Variants in PM20D2 observed in about 807,000 individuals in gnomAD.
PM20D2 encodes peptidase M20 domain containing 2, also known as xaa-Arg dipeptidase.
A neutral mutation model predicts 42.9 loss-of-function variants in PM20D2; 33 were observed. That is an observed-to-expected ratio of 0.77 (90% CI 0.58 to 1.03). The LOEUF is 1.03. PM20D2 is among the 50% of genes least tolerant of loss of function. PM20D2 has a pLI of 0.00. For synonymous variants in PM20D2, 250 were observed against 228.2 expected (o/e 1.10, Z -0.86); for missense variants, 548 against 557.0 (o/e 0.98, Z 0.16).
the PM20D2 span, chr6:89,117,714 G>A: frequency 3.6e-6 from 4 of 1,124,396 alleles, no homozygotes; most frequent in Non-Finnish European, 4.7e-6. Context: ...CCCGCGGGGA[G>A]GCTCCGCGCA....
At chr6:89,099,396 CT>C in the PM20D2 span, among the ~76,000 whole-genome samples, 96,119 of 142,232 alleles carry the variant, frequency 0.68, 32,552 homozygotes, top group East Asian at 0.79. Flanking sequence ...CTCTCTCTCT[CT>C]CTCTCCATAT....
At chr6:89,127,294 T>C in the PM20D2 span, among the ~76,000 whole-genome samples, 1 of 151,778 alleles carries the variant, frequency 6.6e-6, no homozygotes, top group East Asian at 1.9e-4. Flanking sequence ...CATTATATGC[T>C]CTTCTGAAGG....
chr6:89,114,390 T>C, the PM20D2 span, among the ~76,000 whole-genome samples: 5 of 152,240 alleles, frequency 3.3e-5, no homozygotes, highest in Admixed American at 1.3e-4. Flanking sequence ...ATCGTGCCAC[T>C]GCACTCCAGC....
At chr6:89,099,542 T>TG in the PM20D2 span, among the ~76,000 whole-genome samples, 3 of 150,156 alleles carry the variant, frequency 2.0e-5, no homozygotes, top group Non-Finnish European at 4.4e-5. Flanking sequence ...ATACATGTTT[T>TG]TTTTTTTTTT....
At chr6:89,112,443 C>CTTTTT in the PM20D2 span, among the ~76,000 whole-genome samples, 1 of 140,476 alleles carries the variant, frequency 7.1e-6, no homozygotes. Flanking sequence ...ATTTTCTTTT[C>CTTTTT]TTTCTTTTTT....
the PM20D2 span, among the ~76,000 whole-genome samples, chr6:89,102,200 G>C: frequency 1.3e-5 from 2 of 152,114 alleles, no homozygotes; most frequent in Non-Finnish European, 2.9e-5. Context: ...CTGGAGTGCA[G>C]TGGGGCGAGC....
chr6:89,123,310 C>G, the PM20D2 span, among the ~76,000 whole-genome samples: 1 of 152,150 alleles, frequency 6.6e-6, no homozygotes, highest in African/African-American at 2.4e-5. Context: ...TTTCATCCAT[C>G]CTGTGAGATT....
chr6:89,143,528 TC>T (rs982554622), upstream of PM20D2, among the ~76,000 whole-genome samples: 18 of 152,244 alleles, frequency 1.2e-4, no homozygotes, highest in Admixed American at 8.5e-4. Flanking sequence ...TGCACTCCTC[TC>T]ACCCCCCCAA....
the PM20D2 span, among the ~76,000 whole-genome samples, chr6:89,099,412 A>ACACATATATATATATATG: frequency 2.3e-5 from 2 of 87,632 alleles, no homozygotes; most frequent in South Asian, 7.5e-4. Context: ...CCATATATAT[A>ACACATATATATATATATG]TACATATATA....
the PM20D2 span, among the ~76,000 whole-genome samples, chr6:89,110,567 T>C: frequency 6.6e-6 from 1 of 152,100 alleles, no homozygotes; most frequent in African/African-American, 2.4e-5. Flanking sequence ...CCATTTTTTA[T>C]CTGTAATACA....
chr6:89,112,369 A>T, the PM20D2 span, among the ~76,000 whole-genome samples: 10 of 152,154 alleles, frequency 6.6e-5, no homozygotes, highest in African/African-American at 2.4e-4. Context: ...AAATTTGAAA[A>T]ATATTTGAAA....
the PM20D2 span, chr6:89,097,185 A>AT: frequency 9.9e-5 from 15 of 152,226 alleles, no homozygotes; most frequent in East Asian, 2.3e-3. Flanking sequence ...TATAAGACAG[A>AT]TTTTTTTCTT....
At position 89,146,450 on chromosome 6, in the gene PM20D2, G is replaced by A; in HGVS notation, c.306G>A (p.Thr102=). ...EPPEARAPSA[T]PRPLHLGFLC... is the part of the protein sequence containing the mutation. Reference sequence around the variant, plus strand: ...CGGAGGCCCGGGCACCGAGCGCCACGCCACGCCCGCTGCACCTGGGCTTCC... The same window carrying A: ...CGGAGGCCCGGGCACCGAGCGCCACACCACGCCCGCTGCACCTGGGCTTCC... The change falls in exon 1 of 7, where the codon ACG becomes ACA. Residue 102 remains threonine, a synonymous_variant. Coordinates refer to ENST00000275072, the MANE Select transcript of PM20D2 (RefSeq NM_001010853.3). The A allele has an allele frequency of 6.6e-7, 1 of 1,523,028 alleles. No individual in the cohort carries two copies. The highest frequency in any genetic ancestry group is 8.8e-7 in the Non-Finnish European group (1 of 1,142,628). The allele number at this position is 1,523,028 out of a possible 1,614,324, so 94.3% of individuals were successfully genotyped here.
the PM20D2 span, among the ~76,000 whole-genome samples, chr6:89,131,335 A>G: frequency 6.6e-6 from 1 of 152,138 alleles, no homozygotes; most frequent in African/African-American, 2.4e-5. Context: ...TTTGGAGGGG[A>G]CAAATATTCA....
rs115921450 is a variant in PM20D2 at position 89,158,292 on chromosome 6, T to A, written c.913-33T>A. 1,963 of 1,546,652 alleles carry A rather than the reference T, an allele frequency of 1.3e-3. 19 individuals carry two copies. The African/African-American group carries it at 0.024, about 19-fold the overall frequency. On this transcript the variant is annotated intron_variant, in intron 4 of 6. Coordinates refer to ENST00000275072, the MANE Select transcript of PM20D2 (RefSeq NM_001010853.3). ...AATTAGATAGTGAATTTGAGTTTTT[T>A]ATTTCAAAATTTGTTTTGCAATTTT... is the stretch of plus-strand genomic sequence containing the variant.
chr6:89,103,889 C>G, the PM20D2 span, among the ~76,000 whole-genome samples: 3 of 151,988 alleles, frequency 2.0e-5, no homozygotes, highest in Admixed American at 6.6e-5. Flanking sequence ...TTCTTCAATA[C>G]TGCCATACTT....
chr6:89,155,258 CTTTTTTTTTTTTTTTT>C lies in PM20D2; in HGVS notation c.912+368_912+383del, dbSNP rs34776724. 1.4e-4 allele frequency among the ~76,000 whole-genome samples: 8 copies of C among 58,936 alleles called. No individual in the cohort carries two copies. In the East Asian group the frequency reaches 3.7e-3, roughly 27 times the overall value. 38.7% of individuals were successfully genotyped at this position (58,936 alleles called of 152,430 possible). ...AAGTTTATGGCAAAATCAGCAAAAG[CTTTTTTTTTTTTTTTT>C]TTTTTTTTTTTGGTGGGGGGACAGG... On this transcript the variant is annotated intron_variant, in intron 4 of 6. Coordinates refer to ENST00000275072, the MANE Select transcript of PM20D2 (RefSeq NM_001010853.3).
chr6:89,133,583 T>G, the PM20D2 span, among the ~76,000 whole-genome samples: 1 of 151,082 alleles, frequency 6.6e-6, no homozygotes, highest in Non-Finnish European at 1.5e-5. Context: ...CCCTTGCCTG[T>G]AGATATGAAT....
At chr6:89,126,581 G>T in the PM20D2 span, among the ~76,000 whole-genome samples, 1 of 150,324 alleles carries the variant, frequency 6.7e-6, no homozygotes, top group Admixed American at 6.7e-5. Flanking sequence ...CTACTCGGGT[G>T]GCAGAGAATT....
Sources: allele counts gnomAD v4.1 joint callset (sites outside exome capture counted in the v4.1 genomes callset), GRCh38; gene constraint gnomAD v4.1.1; transcripts MANE v1.5; gene names NCBI Gene and HGNC (gene_info 2026-07-23, HGNC 2026-07-21).